Variants in RNF216 observed in about 807,000 individuals in gnomAD.
The protein encoded by RNF216 is ring finger protein 216.
In RNF216, 72 loss-of-function variants were observed where a neutral mutation model predicts 110.8. The observed-to-expected ratio is 0.65, with a 90% CI of 0.54 to 0.79. The LOEUF is 0.79. Ranked by LOEUF, RNF216 falls within the 30% of genes least tolerant of loss-of-function variation. The probability of loss-of-function intolerance (pLI) is 0.00; values close to 1 mark genes in which losing one functional copy is unlikely to be tolerated. For synonymous variants in RNF216, 495 were observed against 407.5 expected, an observed-to-expected ratio of 1.21 and a Z score of -2.59; for missense variants, 1,342 against 1,141.2, an observed-to-expected ratio of 1.18 and a Z score of -2.54.
At chr7:5,770,612 G>A (rs780415286) in intron 1 of RNF216, among the ~76,000 whole-genome samples, 13 of 151,530 alleles carry the variant, frequency 8.6e-5, no homozygotes, top group Non-Finnish European at 1.5e-5. Flanking sequence ...CAGGTTTTAA[G>A]AATAGATATA....
At chr7:5,762,690 T>A (rs1795996517) in intron 1 of RNF216, among the ~76,000 whole-genome samples, 1 of 151,490 alleles carries the variant, frequency 6.6e-6, no homozygotes, top group Non-Finnish European at 1.5e-5. Flanking sequence ...AGACTCTGTC[T>A]CGAAAACAAA....
chr7:5,660,056 G>A (rs1257004254), intron 13 of RNF216, among the ~76,000 whole-genome samples: 1 of 150,092 alleles, frequency 6.7e-6, no homozygotes, highest in Non-Finnish European at 1.5e-5. Flanking sequence ...CTGGGTGCAA[G>A]CAATTCTCCC....
intron 1 of RNF216, among the ~76,000 whole-genome samples, chr7:5,766,701 T>C (rs1796227412): frequency 6.6e-6 from 1 of 152,248 alleles, no homozygotes; most frequent in African/African-American, 2.4e-5. Flanking sequence ...GTCTATGGTA[T>C]CAGTCAGCTT....
Position 5,752,936 on chromosome 7 carries a change from G to A in RNF216, c.111C>T (p.Ser37=). 2 of 1,611,600 alleles carry A rather than the reference G, an allele frequency of 1.2e-6. No homozygotes were observed. The highest frequency in any genetic ancestry group is 1.7e-6 in the Non-Finnish European group (2 of 1,178,868). The change falls in exon 3 of 17, where the codon TCC becomes TCT. Residue 37 remains serine (S), a synonymous_variant. Coordinates refer to ENST00000389902, the MANE Select transcript of RNF216 (RefSeq NM_207111.4). The part of the protein sequence containing the change: ...LRDGPITISD[S]SDEERIPMLV... ...GCATTGGAATCCTTTCCTCATCTGAGGAGTCAGATATGGTGATGGGCCCAT... is the reference window on the plus strand; with the variant it reads ...GCATTGGAATCCTTTCCTCATCTGAAGAGTCAGATATGGTGATGGGCCCAT...
chr7:5,770,721 T>C (rs1002395194), intron 1 of RNF216, among the ~76,000 whole-genome samples: 23 of 151,644 alleles, frequency 1.5e-4, no homozygotes, highest in African/African-American at 4.8e-4. Flanking sequence ...GATATTGTAT[T>C]ACTATTAAGT....
At chr7:5,721,927 T>C (rs1793451112) in intron 8 of RNF216, among the ~76,000 whole-genome samples, 3 of 152,176 alleles carry the variant, frequency 2.0e-5, no homozygotes, top group Non-Finnish European at 4.4e-5. Flanking sequence ...TGGCAATTTA[T>C]GATTTTCTTT....
chr7:5,738,398 T>A (rs980190033), intron 5 of RNF216, among the ~76,000 whole-genome samples: 2 of 151,884 alleles, frequency 1.3e-5, no homozygotes, highest in Non-Finnish European at 2.9e-5. Flanking sequence ...CCCGTATTTA[T>A]CCCTTTTATA....
rs1160171360 is a variant in RNF216 at position 5,780,050 on chromosome 7, A to C, written c.-70+1491T>G. On this transcript the variant is annotated intron_variant, in intron 1 of 16. Transcript: ENST00000389902. ...GTGCCTGACTATTGCAGGAAGATGG[A>C]GGACAAACAACAGCTGGAGAATAGA... is the stretch of plus-strand genomic sequence containing the variant. The C allele has an allele frequency of 6.6e-5, 10 of 152,274 alleles. No homozygotes were observed. In the East Asian group the frequency reaches 1.7e-3, roughly 26 times the overall value. The allele number at this position is 152,274 out of a possible 1,614,324, so 9.4% of individuals were successfully genotyped here. A position where few individuals can be genotyped will look rare whatever the true frequency, so the allele number is the denominator to read the frequency against.
intron 13 of RNF216, among the ~76,000 whole-genome samples, chr7:5,681,634 T>A (rs538978174): frequency 6.6e-6 from 1 of 152,300 alleles, no homozygotes; most frequent in South Asian, 2.1e-4. Context: ...TTAGGAAGTG[T>A]CAAGGACGAG....
Position 5,678,286 on chromosome 7 carries a change from A to G in RNF216, c.2062-25776T>C, listed in dbSNP as rs187513841. Among the ~76,000 whole-genome samples the G allele has an allele frequency of 2.6e-3, 402 of 152,306 alleles. 5 individuals carry two copies. The highest frequency in any genetic ancestry group is 9.2e-3 in the African/African-American group (381 of 41,562). On this transcript the variant is annotated intron_variant, in intron 13 of 16. Transcript: ENST00000389902. Reference sequence around the variant, plus strand: ...ATCTTCCCATTTTACTGCCATCTACAAGACTTTCAATTATGTTCTCTGAGC... The same window carrying G: ...ATCTTCCCATTTTACTGCCATCTACGAGACTTTCAATTATGTTCTCTGAGC...
At chr7:5,658,104 C>T (rs1788861260) in intron 13 of RNF216, among the ~76,000 whole-genome samples, 1 of 152,160 alleles carries the variant, frequency 6.6e-6, no homozygotes, top group Non-Finnish European at 1.5e-5. Flanking sequence ...GTGAGTCAGA[C>T]AAGGATTCTT....
intron 9 of RNF216, among the ~76,000 whole-genome samples, chr7:5,717,397 T>C (rs1462628933): frequency 2.0e-5 from 3 of 152,078 alleles, no homozygotes; most frequent in African/African-American, 7.2e-5. Flanking sequence ...ACAACAGACT[T>C]CGCTGGCGAG....
chr7:5,721,024 T>C lies in RNF216; in HGVS notation c.1644+9A>G, dbSNP rs1793386616. On this transcript the variant is annotated intron_variant, in intron 9 of 16. Coordinates refer to ENST00000389902, the MANE Select transcript of RNF216 (RefSeq NM_207111.4). ...AAACACACCCCAAGACCAGAGCACA[T>C]CTTCCTACCTCTGCCATCTCTTTGA... 6.2e-7 allele frequency: 1 copy of C among 1,614,066 alleles called. No individual in the cohort carries two copies. Among genetic ancestry groups the C allele is most frequent in the Non-Finnish European group, 8.5e-7 (1 of 1,179,952 alleles).
intron 13 of RNF216, among the ~76,000 whole-genome samples, chr7:5,665,959 A>G (rs1357452528): frequency 1.3e-5 from 2 of 152,046 alleles, no homozygotes; most frequent in Non-Finnish European, 2.9e-5. Flanking sequence ...AGGTCAGGAG[A>G]TCGAGACGAT....
chr7:5,700,001 C>T (rs852257), intron 13 of RNF216, among the ~76,000 whole-genome samples: 124,533 of 152,224 alleles, frequency 0.82, 52,866 homozygotes, highest in Non-Finnish European at 0.92. Context: ...CACCCAACAG[C>T]AGCTTCAGCT....
intron 5 of RNF216, among the ~76,000 whole-genome samples, chr7:5,738,596 T>C (rs1470078224): frequency 6.6e-6 from 1 of 150,504 alleles, no homozygotes; most frequent in Non-Finnish European, 1.5e-5. Flanking sequence ...TAGTCCCAGC[T>C]ACTCGGGAGG....
At chr7:5,773,458 G>C (rs983715561) in intron 1 of RNF216, among the ~76,000 whole-genome samples, 13 of 151,926 alleles carry the variant, frequency 8.6e-5, no homozygotes, top group Admixed American at 6.6e-4. Context: ...GGCCAGGCTG[G>C]TTTCAAACTC....
chr7:5,694,519 A>C (rs930601257), intron 13 of RNF216, among the ~76,000 whole-genome samples: 6 of 152,244 alleles, frequency 3.9e-5, no homozygotes, highest in African/African-American at 1.4e-4. Context: ...TGCTTAGTTC[A>C]GTTCCAACAT....
intron 13 of RNF216, among the ~76,000 whole-genome samples, chr7:5,710,252 T>G (rs1792583460): frequency 6.6e-6 from 1 of 151,742 alleles, no homozygotes; most frequent in South Asian, 2.1e-4. Flanking sequence ...CCCAGCTACT[T>G]GGGAGGCTGA....
Sources: gnomAD v4.1 joint callset for allele counts (sites outside exome capture counted in the v4.1 genomes callset) on GRCh38, gnomAD v4.1.1 for gene constraint, MANE v1.5 for transcripts, NCBI Gene and HGNC (gene_info 2026-07-23, HGNC 2026-07-21) for gene names.